Variants in UNC13C observed in about 807,000 individuals in gnomAD.
The protein encoded by UNC13C is protein unc-13 homolog C.
UNC13C carries 174 observed loss-of-function variants against 245.4 expected under a neutral mutation model. The ratio of observed to expected loss-of-function variants is 0.71; its 90% CI spans 0.63 to 0.80. The LOEUF (loss-of-function observed/expected upper bound fraction) is 0.80. UNC13C is among the 30% of genes least tolerant of loss of function. The pLI, the probability that UNC13C is intolerant of heterozygous loss-of-function variation, is 0.00. For missense variants in UNC13C, 2,829 were observed against 2,602.9 expected, an observed-to-expected ratio of 1.09 and a Z score of -1.89; for synonymous variants, 992 against 895.1, an observed-to-expected ratio of 1.11 and a Z score of -1.93.
intron 2 of UNC13C, among the ~76,000 whole-genome samples, chr15:54,031,502 T>A (rs1006349078): frequency 6.6e-6 from 1 of 152,232 alleles, no homozygotes; most frequent in Non-Finnish European, 1.5e-5. Flanking sequence ...AGTAACATTA[T>A]TTTAGCAACT....
At chr15:53,931,683 G>C in the UNC13C span, among the ~76,000 whole-genome samples, 1 of 152,052 alleles carries the variant, frequency 6.6e-6, no homozygotes, top group Admixed American at 6.6e-5. Flanking sequence ...ACTAAACCAA[G>C]GTATACACTT....
At chr15:54,040,218 A>C (rs1332791439) in intron 2 of UNC13C, among the ~76,000 whole-genome samples, 1 of 152,194 alleles carries the variant, frequency 6.6e-6, no homozygotes, top group East Asian at 1.9e-4. Flanking sequence ...GGTAAATGCA[A>C]CTAGTTTATT....
intron 8 of UNC13C, among the ~76,000 whole-genome samples, chr15:54,261,686 G>A (rs2036429700): frequency 6.6e-6 from 1 of 152,084 alleles, no homozygotes; most frequent in Non-Finnish European, 1.5e-5. Context: ...TGGGACTACA[G>A]GCGCCCACCA....
chr15:54,305,048 C>T (rs889137539), intron 13 of UNC13C, among the ~76,000 whole-genome samples: 5 of 151,974 alleles, frequency 3.3e-5, no homozygotes, highest in East Asian at 1.9e-4. Context: ...TTCTATTCCA[C>T]GACTTACAAA....
chr15:54,238,953 G>A (rs1298480132), intron 7 of UNC13C, among the ~76,000 whole-genome samples: 1 of 152,102 alleles, frequency 6.6e-6, no homozygotes, highest in Non-Finnish European at 1.5e-5. Flanking sequence ...GGTGTAGTTT[G>A]GGTGAAAGCG....
At chr15:54,549,866 G>A (rs374862967) in intron 28 of UNC13C, among the ~76,000 whole-genome samples, 175 bp downstream of exon 28, 1 of 152,072 alleles carries the variant, frequency 6.6e-6, no homozygotes, top group African/African-American at 2.4e-5. Flanking sequence ...TAGCATTATT[G>A]CTTCTGGATT....
chr15:54,283,138 C>G lies in UNC13C; in HGVS notation c.3819-10757C>G, dbSNP rs1221355076. On this transcript the variant is annotated intron_variant, in intron 10 of 32. Transcript: ENST00000260323. ...GAATCCAGTCCAAGGATTTAACTTG[C>G]AACTAGGCTTTCAGGCTTTAAACTG... is the stretch of plus-strand genomic sequence containing the variant. Among the ~76,000 whole-genome samples the G allele has an allele frequency of 2.0e-5, 3 of 152,154 alleles. No individual in the cohort carries two copies. The East Asian group carries it at 5.8e-4, about 29-fold the overall frequency.
chr15:54,213,333 A>C (rs1596016237), intron 4 of UNC13C, among the ~76,000 whole-genome samples: 1 of 152,194 alleles, frequency 6.6e-6, no homozygotes, highest in Middle Eastern at 3.4e-3. Flanking sequence ...ATCCTATACT[A>C]AATACTAGAG....
rs145390203 is a variant in UNC13C, at chr15:54,479,021, A to G, written c.4934-15587A>G. 4.6e-5 allele frequency among the ~76,000 whole-genome samples: 7 copies of G among 152,250 alleles called. No individual in the cohort carries two copies. The East Asian group carries it at 1.4e-3, about 29-fold the overall frequency. On this transcript the variant is annotated intron_variant, in intron 19 of 32. Coordinates refer to ENST00000260323, the MANE Select transcript of UNC13C (RefSeq NM_001080534.3). Reference sequence around the variant, plus strand: ...TGTATTGGGTGCATATATATGGGATATCCAGCTCTCCTGGCACCATTATTG... The same window carrying G: ...TGTATTGGGTGCATATATATGGGATGTCCAGCTCTCCTGGCACCATTATTG...
intron 2 of UNC13C, chr15:54,049,019 C>T: frequency 2.6e-6 from 1 of 378,790 alleles, no homozygotes; most frequent in Admixed American, 4.0e-5. Context: ...TTTTTTCTTC[C>T]TTCCCAAATC....
At chr15:54,074,300 G>T (rs956093078) in intron 2 of UNC13C, among the ~76,000 whole-genome samples, 1 of 152,194 alleles carries the variant, frequency 6.6e-6, no homozygotes, top group South Asian at 2.1e-4. Flanking sequence ...ATAGTTTGAA[G>T]TCAGTTAGCA....
intron 30 of UNC13C, among the ~76,000 whole-genome samples, chr15:54,621,587 A>C (rs1340689017): frequency 6.6e-6 from 1 of 152,152 alleles, no homozygotes; most frequent in African/African-American, 2.4e-5. Flanking sequence ...CATGTGCTTC[A>C]GTTTGGGGAA....
intron 30 of UNC13C, among the ~76,000 whole-genome samples, chr15:54,574,122 C>T (rs539216893): frequency 2.6e-5 from 4 of 152,242 alleles, no homozygotes; most frequent in East Asian, 3.9e-4. Context: ...ACATAACCCC[C>T]TATTTTAATC....
intron 1 of UNC13C, among the ~76,000 whole-genome samples, chr15:53,986,087 C>G (rs1894128708): frequency 6.6e-6 from 1 of 151,962 alleles, no homozygotes; most frequent in South Asian, 2.1e-4. Flanking sequence ...TTTAAGTTTT[C>G]TTGGGGAAAT....
In UNC13C at chr15:54,623,922, A is replaced by G. The variant is rs1464425582; in HGVS notation, c.6327A>G (p.Thr2109=). Residue 2109 remains threonine (T), a synonymous_variant, in exon 32 of 33, where the codon ACA becomes ACG. Coordinates refer to ENST00000260323, the MANE Select transcript of UNC13C (RefSeq NM_001080534.3). ...AAGGCACAAAAACAAAAAGCAACAC[A>G]TGGTCACCAAAGTACAATGAAACAT... is the stretch of plus-strand genomic sequence containing the variant. The part of the protein sequence containing the change: ...RKQGTKTKSN[T]WSPKYNETFQ... 2.5e-6 allele frequency: 4 copies of G among 1,613,192 alleles called. No individual in the cohort carries two copies. The highest frequency in any genetic ancestry group is 1.3e-5 in the African/African-American group (1 of 74,894).
At chr15:54,455,601 C>T (rs895334537) in intron 19 of UNC13C, among the ~76,000 whole-genome samples, 2 of 150,690 alleles carry the variant, frequency 1.3e-5, no homozygotes, top group South Asian at 2.1e-4. Context: ...TTTGCATTTC[C>T]CTGATCACTA....
rs561835924 is a variant in UNC13C, at chr15:54,478,392, A to G, written c.4934-16216A>G. ...TGTTCTTGCTTTTCTAGTCCTTTTAATTGTGATATTAGGGTGTCAATTTTG... is the reference window on the plus strand; with the variant it reads ...TGTTCTTGCTTTTCTAGTCCTTTTAGTTGTGATATTAGGGTGTCAATTTTG... On this transcript the variant is annotated intron_variant, in intron 19 of 32. Coordinates refer to ENST00000260323, the MANE Select transcript of UNC13C (RefSeq NM_001080534.3). Among the ~76,000 whole-genome samples, 10 of 120,378 alleles carry G rather than the reference A, an allele frequency of 8.3e-5. 4 individuals are homozygous for G. In the South Asian group the frequency reaches 2.9e-3, roughly 35 times the overall value. 79.0% of individuals were successfully genotyped at this position (120,378 alleles called of 152,430 possible). A position where few individuals can be genotyped will look rare whatever the true frequency, so the allele number is the denominator to read the frequency against.
At chr15:54,194,747 C>G (rs1026685397) in intron 4 of UNC13C, among the ~76,000 whole-genome samples, 1 of 152,088 alleles carries the variant, frequency 6.6e-6, no homozygotes, top group Admixed American at 6.6e-5. Context: ...AGGACATTAT[C>G]TGAGCCACAG....
Position 54,169,039 on chromosome 15 carries a change from G to T in UNC13C, c.3071+25355G>T, listed in dbSNP as rs149296732. On this transcript the variant is annotated intron_variant, in intron 4 of 32. Coordinates refer to ENST00000260323, the MANE Select transcript of UNC13C (RefSeq NM_001080534.3). ...AGTGTAATAGATCCCTGCTGATAAA[G>T]TTTTTGTCACATGTTGGATAGGCTA... Among the ~76,000 whole-genome samples the T allele has an allele frequency of 5.0e-3, 754 of 152,270 alleles. 4 individuals are homozygous for T. The highest frequency in any genetic ancestry group is 0.017 in the African/African-American group (727 of 41,550).
Sources: gnomAD v4.1 joint callset for allele counts (sites outside exome capture counted in the v4.1 genomes callset) on GRCh38, gnomAD v4.1.1 for gene constraint, MANE v1.5 for transcripts, NCBI Gene and HGNC (gene_info 2026-07-23, HGNC 2026-07-21) for gene names.